The following NME7 variants were observed in gnomAD, a reference collection of about 807,000 sequenced individuals.
NME7 encodes the protein NME/NM23 family member 7.
In NME7, 41 loss-of-function variants were observed where a neutral mutation model predicts 49.1. The observed-to-expected ratio is 0.83, with a 90% CI of 0.65 to 1.08. NME7 has a LOEUF of 1.08. Ranked by LOEUF, NME7 falls within the 50% of genes least tolerant of loss-of-function variation. NME7 has a pLI of 0.00. For missense variants in NME7, 423 were observed against 463.4 expected (o/e 0.91, Z 0.80); for synonymous variants, 139 against 150.6 (o/e 0.92, Z 0.56).
At chr1:169,254,401 G>A (rs1375642737) in intron 7 of NME7, among the ~76,000 whole-genome samples, 2 of 151,948 alleles carry the variant, frequency 1.3e-5, no homozygotes, top group African/African-American at 2.4e-5. Flanking sequence ...TGTGGGATTG[G>A]TGGTGATATC....
intron 6 of NME7, 146 bp from the exon 7 acceptor site, chr1:169,287,554 T>C: frequency 1.7e-6 from 1 of 593,988 alleles, no homozygotes; most frequent in South Asian, 2.8e-5. Context: ...AAATGAGTTT[T>C]ACAAAGACAC....
chr1:169,139,078 T>A (rs2101806983), intron 11 of NME7, among the ~76,000 whole-genome samples: 1 of 152,324 alleles, frequency 6.6e-6, no homozygotes, highest in Middle Eastern at 3.4e-3. Flanking sequence ...TCCCTACCTG[T>A]AATGATTAAA....
chr1:169,164,292 C>G (rs1302683525), intron 11 of NME7, among the ~76,000 whole-genome samples: 1 of 152,032 alleles, frequency 6.6e-6, no homozygotes, highest in Non-Finnish European at 1.5e-5. Context: ...CTAAACTCTT[C>G]CTTCCTTTCT....
chr1:169,362,377 A>T (rs1190224608), intron 1 of NME7, among the ~76,000 whole-genome samples: 1 of 152,226 alleles, frequency 6.6e-6, no homozygotes, highest in Non-Finnish European at 1.5e-5. Context: ...AAGATACATA[A>T]TATTAATATC....
At chr1:169,260,118 A>C (rs1174995430) in intron 7 of NME7, among the ~76,000 whole-genome samples, 2 of 133,956 alleles carry the variant, frequency 1.5e-5, no homozygotes, top group Admixed American at 7.3e-5. Context: ...GATAGGTTAG[A>C]AAAGAACTAA....
chr1:169,364,199 A>G (rs1046429160), intron 1 of NME7, among the ~76,000 whole-genome samples: 1 of 152,196 alleles, frequency 6.6e-6, no homozygotes, highest in African/African-American at 2.4e-5. Context: ...TGAACAACAT[A>G]AGCATGAATT....
At chr1:169,198,801 G>A (rs1182424386) in intron 10 of NME7, among the ~76,000 whole-genome samples, 2 of 152,080 alleles carry the variant, frequency 1.3e-5, no homozygotes, top group African/African-American at 4.8e-5. Context: ...GGAAACCACT[G>A]AGCTATATGT....
At chr1:169,348,462 G>A (rs935356141) in intron 1 of NME7, among the ~76,000 whole-genome samples, 1 of 151,724 alleles carries the variant, frequency 6.6e-6, no homozygotes, top group Non-Finnish European at 1.5e-5. Flanking sequence ...AAAGAAAAAC[G>A]TGTGTCTTTG....
chr1:169,304,133 G>A (rs1477059586), intron 4 of NME7, among the ~76,000 whole-genome samples: 1 of 151,956 alleles, frequency 6.6e-6, no homozygotes, highest in Non-Finnish European at 1.5e-5. Flanking sequence ...ATTGTAACAG[G>A]GATTTATTTT....
At chr1:169,201,187 T>C (rs1440172364) in intron 10 of NME7, among the ~76,000 whole-genome samples, 1 of 151,978 alleles carries the variant, frequency 6.6e-6, no homozygotes, top group Non-Finnish European at 1.5e-5. Flanking sequence ...GCTATGATAA[T>C]ATCACTGCAC....
intron 10 of NME7, among the ~76,000 whole-genome samples, chr1:169,172,348 GTGTGTGTA>G (rs1273525926): frequency 9.7e-4 from 62 of 63,776 alleles, no homozygotes; most frequent in African/African-American, 1.6e-3. Flanking sequence ...GTGTGTGTGT[GTGTGTGTA>G]TGTGTATGTG....
chr1:169,167,759 A>G (rs1347316586), intron 11 of NME7, among the ~76,000 whole-genome samples: 1 of 152,242 alleles, frequency 6.6e-6, no homozygotes, highest in Non-Finnish European at 1.5e-5. Flanking sequence ...AAAAACAGAT[A>G]TAATGAATAC....
In NME7 at chr1:169,259,314, C is replaced by T. The variant is rs967028055; in HGVS notation, c.755-21627G>A. Among the ~76,000 whole-genome samples the T allele has an allele frequency of 4.5e-5, 6 of 133,088 alleles. 2 individuals carry two copies. Among genetic ancestry groups the T allele is most frequent in the Non-Finnish European group, 1.1e-4 (6 of 56,614 alleles). 87.3% of individuals were successfully genotyped at this position (133,088 alleles called of 152,430 possible). Reference sequence around the variant, plus strand: ...ATAAACTTTTCTTTATAGTTTACCACCTACATATGAATTCTTGAAATATGT... The same window carrying T: ...ATAAACTTTTCTTTATAGTTTACCATCTACATATGAATTCTTGAAATATGT... On this transcript the variant is annotated intron_variant, in intron 7 of 11. Transcript: ENST00000367811.
At chr1:169,220,153 C>A (rs1237928711) in intron 10 of NME7, among the ~76,000 whole-genome samples, 1 of 152,048 alleles carries the variant, frequency 6.6e-6, no homozygotes, top group Non-Finnish European at 1.5e-5. Context: ...ATACCTCTAC[C>A]TGTAAATAAT....
chr1:169,143,998 A>G (rs1658682415), intron 11 of NME7, among the ~76,000 whole-genome samples: 1 of 152,166 alleles, frequency 6.6e-6, no homozygotes, highest in African/African-American at 2.4e-5. Flanking sequence ...CCATGGACTA[A>G]CCCTATGAAT....
chr1:169,331,615 G>T lies in NME7; in HGVS notation c.4-7115C>A, dbSNP rs557269733. Among the ~76,000 whole-genome samples the T allele has an allele frequency of 4.6e-5, 7 of 152,252 alleles. No individual in the cohort carries two copies. The East Asian group carries it at 1.3e-3, about 29-fold the overall frequency. ...AAGACTCTTAGAACTGATAAATTCA[G>T]TAAAGTTGCAGGATACGAAATCATA... is the stretch of plus-strand genomic sequence containing the variant. On this transcript the variant is annotated intron_variant, in intron 1 of 11. Transcript: ENST00000367811.
At chr1:169,359,312 A>G (rs1372943911) in intron 1 of NME7, among the ~76,000 whole-genome samples, 2 of 151,682 alleles carry the variant, frequency 1.3e-5, no homozygotes, top group Admixed American at 6.6e-5. Flanking sequence ...TCAATCCTCA[A>G]TTGGTTGAAT....
At chr1:169,335,467 C>G (rs1397125138) in intron 1 of NME7, among the ~76,000 whole-genome samples, 1 of 151,696 alleles carries the variant, frequency 6.6e-6, no homozygotes, top group African/African-American at 2.4e-5. Context: ...AACAGAAAAC[C>G]AAATACTACA....
intron 11 of NME7, among the ~76,000 whole-genome samples, chr1:169,167,994 T>C (rs1453162246): frequency 6.6e-6 from 1 of 152,108 alleles, no homozygotes; most frequent in African/African-American, 2.4e-5. Context: ...TTGTTAACTG[T>C]CTCTCTGAAG....
Sources: allele counts gnomAD v4.1 joint callset (sites outside exome capture counted in the v4.1 genomes callset), GRCh38; gene constraint gnomAD v4.1.1; transcripts MANE v1.5; gene names NCBI Gene and HGNC (gene_info 2026-07-23, HGNC 2026-07-21).